GFER: variants seen among roughly 807,000 people sequenced by gnomAD.
GFER encodes growth factor, augmenter of liver regeneration, also known as FAD-linked sulfhydryl oxidase ALR.
GFER carries 24 observed loss-of-function variants against 18.2 expected under a neutral mutation model. The ratio of observed to expected loss-of-function variants is 1.32; its 90% CI spans 0.96 to 1.86. The LOEUF (loss-of-function observed/expected upper bound fraction) is 1.86. Among genes scored for constraint, GFER ranks in the 40% most tolerant of loss-of-function variants. The pLI, the probability that GFER is intolerant of heterozygous loss-of-function variation, is 0.00. For missense variants in GFER, 316 were observed against 295.6 expected (o/e 1.07, Z -0.51); for synonymous variants, 138 against 126.9 (o/e 1.09, Z -0.59).
At position 1,986,128 on chromosome 16, in the gene GFER, CAGTT is replaced by C. The variant is rs1252240299; in HGVS notation, c.*101_*104del. 3 of 1,289,624 alleles carry C rather than the reference CAGTT, an allele frequency of 2.3e-6. No homozygotes were observed. The highest frequency in any genetic ancestry group is 1.2e-5 in the South Asian group (1 of 83,396). 79.9% of individuals were successfully genotyped at this position (1,289,624 alleles called of 1,614,324 possible). A position where few individuals can be genotyped will look rare whatever the true frequency, so the allele number is the denominator to read the frequency against. On this transcript the variant is annotated 3_prime_UTR_variant, in exon 3 of 3. Coordinates refer to ENST00000248114, the MANE Select transcript of GFER (RefSeq NM_005262.3). The stretch of plus-strand genomic sequence containing the variant: ...ATCACAGCCAGAGCCTGTTGTGTCT[CAGTT>C]GGGTGGTCCCCAGGACACTGCCTGT...
intron 2 of GFER, among the ~76,000 whole-genome samples, chr16:1,985,285 C>T (rs377088360): frequency 6.6e-6 from 1 of 152,258 alleles, no homozygotes; most frequent in Non-Finnish European, 1.5e-5. Context: ...GTTTTAAAAT[C>T]TTGGAAATCC....
In GFER at chr16:1,986,496, A is replaced by G; in HGVS notation, c.*468A>G. 3.6e-6 allele frequency: 1 copy of G among 275,600 alleles called. No homozygotes were observed. The highest frequency in any genetic ancestry group is 4.8e-5 in the Admixed American group (1 of 20,776). 17.1% of individuals were successfully genotyped at this position (275,600 alleles called of 1,614,324 possible). A position where few individuals can be genotyped will look rare whatever the true frequency, so the allele number is the denominator to read the frequency against. On this transcript the variant is annotated 3_prime_UTR_variant, in exon 3 of 3. Transcript: ENST00000248114. Reference sequence around the variant, plus strand: ...CTCACTTTAGGGGGCTCAATTCTCCACTCTGCTCAGTCCCTACAGGGAAAG... The same window carrying G: ...CTCACTTTAGGGGGCTCAATTCTCCGCTCTGCTCAGTCCCTACAGGGAAAG...
At position 1,986,437 on chromosome 16, in the gene GFER, CA is replaced by C. The variant is rs2083568041; in HGVS notation, c.*410del. On this transcript the variant is annotated 3_prime_UTR_variant, in exon 3 of 3. Transcript: ENST00000248114. The stretch of plus-strand genomic sequence containing the variant: ...GGCCATTGCCTTCCCACTATGCAGC[CA>C]GGGATGCCCCTGCCCCCCATGGCTC... 2.9e-6 allele frequency: 1 copy of C among 349,734 alleles called. No individual in the cohort carries two copies. The highest frequency in any genetic ancestry group is 2.1e-5 in the African/African-American group (1 of 46,742). 21.7% of individuals were successfully genotyped at this position (349,734 alleles called of 1,614,324 possible). A position where few individuals can be genotyped will look rare whatever the true frequency, so the allele number is the denominator to read the frequency against.
At position 1,984,263 on chromosome 16, in the gene GFER, C is replaced by T. The variant is rs951760978; in HGVS notation, c.45C>T (p.Leu15=). ...GERGRFHGGN[L]FFLPGGARSE... is the part of the protein sequence containing the mutation. ...GGGGCCGCTTCCACGGCGGGAACCT[C>T]TTCTTCCTGCCGGGGGGCGCGCGCT... is the stretch of plus-strand genomic sequence containing the variant. Residue 15 remains leucine (L), a synonymous_variant, in exon 1 of 3, where the codon CTC becomes CTT. Transcript: ENST00000248114. 6.8e-7 allele frequency: 1 copy of T among 1,480,840 alleles called. No individual in the cohort carries two copies. Among genetic ancestry groups the T allele is most frequent in the Non-Finnish European group, 8.9e-7 (1 of 1,123,086 alleles). The allele number at this position is 1,480,840 out of a possible 1,614,324, so 91.7% of individuals were successfully genotyped here. A position where few individuals can be genotyped will look rare whatever the true frequency, so the allele number is the denominator to read the frequency against.
In GFER at chr16:1,985,955, G is replaced by T; in HGVS notation, c.545G>T (p.Gly182Val). ...HLHNEVNRKL[G>V]KPDFDCSKVD... The stretch of plus-strand genomic sequence containing the variant: ...CACAATGAAGTGAACCGCAAGCTGG[G>T]CAAGCCTGACTTCGACTGCTCAAAA... Residue 182 changes from glycine to valine, a missense_variant, in exon 3 of 3, where the codon GGC becomes GTC. By Grantham distance (109) the Gly-to-Val change is moderately radical (BLOSUM62 -3). Transcript: ENST00000248114. 1.2e-6 allele frequency: 2 copies of T among 1,613,134 alleles called. No individual in the cohort carries two copies. The highest frequency in any genetic ancestry group is 1.1e-5 in the South Asian group (1 of 91,090).
Position 1,985,914 on chromosome 16 carries a change from G to A in GFER, c.504G>A (p.Gln168=). ...CCCGCACCCGGGCATGCTTCACACA[G>A]TGGCTGTGCCACCTGCACAATGAAG... ...PDTRTRACFT[Q]WLCHLHNEVN... is the part of the protein sequence containing the mutation. Residue 168 remains glutamine (Q), a synonymous_variant, in exon 3 of 3, where the codon CAG becomes CAA. Transcript: ENST00000248114. The A allele has an allele frequency of 6.2e-7, 1 of 1,613,034 alleles. No individual in the cohort carries two copies. The highest frequency in any genetic ancestry group is 8.5e-7 in the Non-Finnish European group (1 of 1,179,962).
intron 2 of GFER, 73 bp from the exon 3 acceptor site, chr16:1,985,793 C>G: frequency 7.3e-7 from 1 of 1,370,350 alleles, no homozygotes. Context: ...CCTTCCTTGA[C>G]AGCAGACAGG....
In GFER at chr16:1,985,976, C is replaced by A; in HGVS notation, c.566C>A (p.Ser189Ter). Residue 189 changes from serine to a stop codon, truncating the protein, a stop_gained, in exon 3 of 3, where the codon TCA (serine) becomes TAA (stop). Transcript: ENST00000248114. LOFTEE classifies it high-confidence loss of function. Reference sequence around the variant, plus strand: ...CTGGGCAAGCCTGACTTCGACTGCTCAAAAGTGGATGAGCGCTGGCGCGAC... The same window carrying A: ...CTGGGCAAGCCTGACTTCGACTGCTAAAAAGTGGATGAGCGCTGGCGCGAC... ...RKLGKPDFDC[S>*]KVDERWRDGW... 6.2e-7 allele frequency: 1 copy of A among 1,613,152 alleles called. No homozygotes were observed. The highest frequency in any genetic ancestry group is 8.5e-7 in the Non-Finnish European group (1 of 1,180,014).
Position 1,986,159 on chromosome 16 carries a change from G to A in GFER, c.*131G>A. The A allele has an allele frequency of 5.3e-6, 5 of 947,996 alleles. No homozygotes were observed. In the South Asian group the frequency reaches 6.7e-5, roughly 13 times the overall value. 58.7% of individuals were successfully genotyped at this position (947,996 alleles called of 1,614,324 possible). A position where few individuals can be genotyped will look rare whatever the true frequency, so the allele number is the denominator to read the frequency against. On this transcript the variant is annotated 3_prime_UTR_variant, in exon 3 of 3. Transcript: ENST00000248114. The stretch of plus-strand genomic sequence containing the variant: ...GGTGGTCCCCAGGACACTGCCTGTG[G>A]GGACCTGCCCTGCCCCTCTTAGGTT...
At position 1,984,765 on chromosome 16, in the gene GFER, G is replaced by A. The variant is rs762907502; in HGVS notation, c.277G>A (p.Glu93Lys). The change falls in exon 2 of 3, where the codon GAG becomes AAG. Residue 93 changes from glutamate to lysine, a missense_variant. Transcript: ENST00000248114. ...TCCGCAGCGGGACACCAAGTTTAGGGAGGACTGCCCGCCGGATCGCGAGGA... is the reference window on the plus strand; with the variant it reads ...TCCGCAGCGGGACACCAAGTTTAGGAAGGACTGCCCGCCGGATCGCGAGGA... ...TQQKRDTKFR[E>K]DCPPDREELG... 3.7e-6 allele frequency: 6 copies of A among 1,610,162 alleles called. No individual in the cohort carries two copies. In the African/African-American group the frequency reaches 8.0e-5, roughly 21 times the overall value.
chr16:1,986,103 A>G lies in GFER; in HGVS notation c.*75A>G, dbSNP rs112914759. 8 of 1,446,390 alleles carry G rather than the reference A, an allele frequency of 5.5e-6. No individual in the cohort carries two copies. The African/African-American group carries it at 6.9e-5, about 13-fold the overall frequency. The allele number at this position is 1,446,390 out of a possible 1,614,324, so 89.6% of individuals were successfully genotyped here. On this transcript the variant is annotated 3_prime_UTR_variant, in exon 3 of 3. Transcript: ENST00000248114. ...AGGGGCAGGGCACTCATTAAAGTGC[A>G]TCACAGCCAGAGCCTGTTGTGTCTC...
Position 1,986,180 on chromosome 16 carries a change from A to G in GFER, c.*152A>G. 1.2e-6 allele frequency: 1 copy of G among 801,430 alleles called. No individual in the cohort carries two copies. The highest frequency in any genetic ancestry group is 2.1e-6 in the Non-Finnish European group (1 of 479,822). The allele number at this position is 801,430 out of a possible 1,614,324, so 49.6% of individuals were successfully genotyped here. A position where few individuals can be genotyped will look rare whatever the true frequency, so the allele number is the denominator to read the frequency against. ...TGTGGGGACCTGCCCTGCCCCTCTT[A>G]GGTTTGGAGCAGAAGTGGAGGTGCC... On this transcript the variant is annotated 3_prime_UTR_variant, in exon 3 of 3. Coordinates refer to ENST00000248114, the MANE Select transcript of GFER (RefSeq NM_005262.3).
rs770576776 is a variant in GFER, at chr16:1,986,333, G to A, written c.*305G>A. On this transcript the variant is annotated 3_prime_UTR_variant, in exon 3 of 3. Transcript: ENST00000248114. Reference sequence around the variant, plus strand: ...TTCAGGATGTAGCTTCCTGCCCACCGCATACCCTGGCGCCTCACTCCTCAC... The same window carrying A: ...TTCAGGATGTAGCTTCCTGCCCACCACATACCCTGGCGCCTCACTCCTCAC... 1.2e-5 allele frequency: 5 copies of A among 419,860 alleles called. No homozygotes were observed. The highest frequency in any genetic ancestry group is 4.1e-5 in the African/African-American group (2 of 49,158). 26.0% of individuals were successfully genotyped at this position (419,860 alleles called of 1,614,324 possible).
In GFER at chr16:1,986,380, C is replaced by T; in HGVS notation, c.*352C>T. ...TCACACGGGAAGACAGCGGGCCTGG[C>T]TGGGCATCCCTGTGCCTGTCCCTGG... On this transcript the variant is annotated 3_prime_UTR_variant, in exon 3 of 3. Coordinates refer to ENST00000248114, the MANE Select transcript of GFER (RefSeq NM_005262.3). 2.7e-6 allele frequency: 1 copy of T among 369,900 alleles called. No individual in the cohort carries two copies. Among genetic ancestry groups the T allele is most frequent in the Non-Finnish European group, 5.3e-6 (1 of 189,772 alleles). The allele number at this position is 369,900 out of a possible 1,614,324, so 22.9% of individuals were successfully genotyped here. A position where few individuals can be genotyped will look rare whatever the true frequency, so the allele number is the denominator to read the frequency against.
In GFER at chr16:1,984,466, C is replaced by T. The variant is rs1189758959; in HGVS notation, c.248C>T (p.Thr83Met). 1 of 1,558,842 alleles carries T rather than the reference C, an allele frequency of 6.4e-7. No individual in the cohort carries two copies. Among genetic ancestry groups the T allele is most frequent in the South Asian group, 1.2e-5 (1 of 85,094 alleles). ...ACVDFKTWMR[T>M]QQKRDTKFRE... ...GTCGACTTCAAGACGTGGATGCGGA[C>T]GCAGCAGAAGGTGCAGTTCCCTGCC... The change falls in exon 1 of 3, where the codon ACG becomes ATG. Residue 83 changes from threonine to methionine, a missense_variant. By Grantham distance (81) the Thr-to-Met change is moderately conservative. Coordinates refer to ENST00000248114, the MANE Select transcript of GFER (RefSeq NM_005262.3).
In GFER at chr16:1,986,087, G is replaced by C; in HGVS notation, c.*59G>C. The C allele has an allele frequency of 6.4e-7, 1 of 1,552,840 alleles. No individual in the cohort carries two copies. ...CCAGGCATGGTTGGATAGGGGCAGGGCACTCATTAAAGTGCATCACAGCCA... is the reference window on the plus strand; with the variant it reads ...CCAGGCATGGTTGGATAGGGGCAGGCCACTCATTAAAGTGCATCACAGCCA... On this transcript the variant is annotated 3_prime_UTR_variant, in exon 3 of 3. Coordinates refer to ENST00000248114, the MANE Select transcript of GFER (RefSeq NM_005262.3).
At position 1,985,867 on chromosome 16, in the gene GFER, C is replaced by T. The variant is rs1046502; in HGVS notation, c.457C>T (p.Leu153=). The T allele has an allele frequency of 0.14, 231,543 of 1,610,368 alleles. 20,215 individuals are homozygous for T. The highest frequency in any genetic ancestry group is 0.37 in the African/African-American group (28,082 of 74,938). ...EECAEDLRKR[L]CRNHPDTRTR... is the part of the protein sequence containing the mutation. ...TCTTTACCTGCTCTCCCTACACAGG[C>T]TGTGCAGGAACCACCCAGACACCCG... The change falls in exon 3 of 3, where the codon CTG becomes TTG. Residue 153 remains leucine (L), a splice_region_variant and synonymous_variant. Transcript: ENST00000248114.
chr16:1,985,999 G>T lies in GFER; in HGVS notation c.589G>T (p.Asp197Tyr). Residue 197 changes from aspartate to tyrosine, a missense_variant, in exon 3 of 3, where the codon GAC becomes TAC. Transcript: ENST00000248114. ...DCSKVDERWRDGWKDGSCD is the reference protein window; with the variant it reads ...DCSKVDERWRYGWKDGSCD ...CTCAAAAGTGGATGAGCGCTGGCGCGACGGCTGGAAGGATGGCTCCTGTGA... is the reference window on the plus strand; with the variant it reads ...CTCAAAAGTGGATGAGCGCTGGCGCTACGGCTGGAAGGATGGCTCCTGTGA... 1 of 1,612,956 alleles carries T rather than the reference G, an allele frequency of 6.2e-7. No homozygotes were observed. Among genetic ancestry groups the T allele is most frequent in the South Asian group, 1.1e-5 (1 of 91,084 alleles).
intron 2 of GFER, among the ~76,000 whole-genome samples, chr16:1,985,296 A>G (rs190694551): frequency 7.9e-5 from 12 of 152,338 alleles, no homozygotes; most frequent in Admixed American, 7.8e-4. Context: ...TTGGAAATCC[A>G]CTGCTTTTGC....
Sources: gnomAD v4.1 joint callset for allele counts (sites outside exome capture counted in the v4.1 genomes callset) on GRCh38, gnomAD v4.1.1 for gene constraint, MANE v1.5 for transcripts, NCBI Gene and HGNC (gene_info 2026-07-23, HGNC 2026-07-21) for gene names.